The following DPP10 variants were observed in gnomAD, a reference collection of about 807,000 sequenced individuals.
DPP10 encodes the protein inactive dipeptidyl peptidase 10.
In DPP10, 33 loss-of-function variants were observed where a neutral mutation model predicts 120.9. That is an observed-to-expected ratio of 0.27 (90% CI 0.21 to 0.37). DPP10 has a LOEUF of 0.37. DPP10 is among the 10% of genes least tolerant of loss of function. The pLI is 1.00. For missense variants in DPP10, 816 were observed against 942.8 expected, an observed-to-expected ratio of 0.87 and a Z score of 1.76; for synonymous variants, 337 against 326.1, an observed-to-expected ratio of 1.03 and a Z score of -0.36.
At chr2:114,712,033 A>G (rs965518725) in intron 1 of DPP10, among the ~76,000 whole-genome samples, 3 of 152,170 alleles carry the variant, frequency 2.0e-5, no homozygotes, top group African/African-American at 7.2e-5. Context: ...GGTCTTACAC[A>G]TTCTGGCTGG....
chr2:114,513,347 C>A (rs1164762111), intron 1 of DPP10, among the ~76,000 whole-genome samples: 1 of 151,504 alleles, frequency 6.6e-6, no homozygotes, highest in African/African-American at 2.4e-5. Flanking sequence ...ATGGTGAAAC[C>A]CTGTCTCTAC....
intron 21 of DPP10, among the ~76,000 whole-genome samples, chr2:115,820,873 G>A (rs1426924806): frequency 1.3e-5 from 2 of 150,896 alleles, no homozygotes; most frequent in Non-Finnish European, 2.9e-5. Context: ...TGATTGATGG[G>A]CATGTGGGCT....
intron 5 of DPP10, among the ~76,000 whole-genome samples, chr2:115,536,796 C>T (rs193296663): frequency 3.9e-4 from 60 of 152,028 alleles, no homozygotes; most frequent in African/African-American, 1.2e-3. Context: ...CATATTCACT[C>T]TCTAAGTGCA....
chr2:115,087,647 G>A (rs868210889), intron 1 of DPP10, among the ~76,000 whole-genome samples: 8 of 85,310 alleles, frequency 9.4e-5, no homozygotes, highest in South Asian at 4.0e-4. Flanking sequence ...TCTGCCTCCC[G>A]GGTTCAAGCG....
At chr2:115,792,550 C>T (rs1446484) in intron 19 of DPP10, among the ~76,000 whole-genome samples, 65,518 of 151,902 alleles carry the variant, frequency 0.43, 16,927 homozygotes, top group East Asian at 0.67. Context: ...TCCCTTGTCC[C>T]TAAAAGCCAG....
At chr2:115,396,798 A>G (rs972097550) in intron 3 of DPP10, among the ~76,000 whole-genome samples, 2 of 152,122 alleles carry the variant, frequency 1.3e-5, no homozygotes, top group Non-Finnish European at 2.9e-5. Context: ...TCCCATCCTC[A>G]TTGCACAATC....
chr2:114,516,761 T>TA (rs956288027), intron 1 of DPP10, among the ~76,000 whole-genome samples: 1 of 152,200 alleles, frequency 6.6e-6, no homozygotes, highest in African/African-American at 2.4e-5. Context: ...AGTATTTCAT[T>TA]AAAAAATATA....
chr2:114,458,286 A>T (rs1322145908), intron 1 of DPP10, among the ~76,000 whole-genome samples: 1 of 152,186 alleles, frequency 6.6e-6, no homozygotes, highest in African/African-American at 2.4e-5. Context: ...TTCTATATTA[A>T]TCTAGGAACT....
intron 1 of DPP10, among the ~76,000 whole-genome samples, chr2:114,572,585 CAT>C (rs2105025491): frequency 1.3e-5 from 2 of 152,306 alleles, no homozygotes; most frequent in South Asian, 4.1e-4. Context: ...GCTCCCGTGA[CAT>C]GTGCTAAATG....
At chr2:115,803,989 T>C (rs1685595147) in intron 19 of DPP10, among the ~76,000 whole-genome samples, 1 of 152,158 alleles carries the variant, frequency 6.6e-6, no homozygotes, top group Admixed American at 6.5e-5. Flanking sequence ...CCTTGCTAGA[T>C]TGGGGAAGTT....
intron 1 of DPP10, among the ~76,000 whole-genome samples, chr2:114,669,789 T>C (rs1325446658): frequency 1.3e-5 from 2 of 152,046 alleles, no homozygotes; most frequent in Non-Finnish European, 2.9e-5. Flanking sequence ...ACATGACTCA[T>C]TTCAGGGAGA....
chr2:115,716,626 C>G (rs2092502645), intron 7 of DPP10, among the ~76,000 whole-genome samples: 1 of 152,026 alleles, frequency 6.6e-6, no homozygotes, highest in South Asian at 2.1e-4. Context: ...ATTTTGGAAC[C>G]AAGTTCGCTT....
At chr2:115,254,281 ACCC>A (rs1221730474) in intron 1 of DPP10, among the ~76,000 whole-genome samples, 1 of 152,032 alleles carries the variant, frequency 6.6e-6, no homozygotes, top group Non-Finnish European at 1.5e-5. Flanking sequence ...AGAGGGGAAA[ACCC>A]CTTATAAAAC....
intron 1 of DPP10, among the ~76,000 whole-genome samples, chr2:114,484,959 C>G (rs949757969): frequency 6.8e-6 from 1 of 146,642 alleles, no homozygotes; most frequent in Non-Finnish European, 1.5e-5. Context: ...TTTTGAAGAA[C>G]GGGTTTCAAA....
intron 1 of DPP10, among the ~76,000 whole-genome samples, chr2:114,598,923 C>T (rs932291254): frequency 1.3e-5 from 2 of 151,754 alleles, no homozygotes; most frequent in Non-Finnish European, 2.9e-5. Context: ...GGCCTGACTT[C>T]TCGAAATCTT....
At chr2:115,616,840 T>C (rs2084540997) in intron 5 of DPP10, among the ~76,000 whole-genome samples, 1 of 152,066 alleles carries the variant, frequency 6.6e-6, no homozygotes, top group Non-Finnish European at 1.5e-5. Context: ...GGGAAATTGC[T>C]CTTGTTCAAC....
chr2:115,119,734 C>A (rs991545255), intron 1 of DPP10, among the ~76,000 whole-genome samples: 4 of 152,034 alleles, frequency 2.6e-5, no homozygotes, highest in Non-Finnish European at 5.9e-5. Flanking sequence ...TAAAAGGATG[C>A]CTCTTGAATA....
At chr2:115,722,903 A>G (rs1164702602) in intron 7 of DPP10, among the ~76,000 whole-genome samples, 1 of 152,180 alleles carries the variant, frequency 6.6e-6, no homozygotes, top group Non-Finnish European at 1.5e-5. Context: ...TGGAGGGGCC[A>G]AAGTGGTGGT....
chr2:115,200,527 T>A (rs1398248776), intron 1 of DPP10, among the ~76,000 whole-genome samples: 1 of 152,234 alleles, frequency 6.6e-6, no homozygotes, highest in African/African-American at 2.4e-5. Context: ...TTGGTGGAAA[T>A]GACTATTCAT....
Sources: allele counts gnomAD v4.1 joint callset (sites outside exome capture counted in the v4.1 genomes callset), GRCh38; gene constraint gnomAD v4.1.1; transcripts MANE v1.5; gene names NCBI Gene and HGNC (gene_info 2026-07-23, HGNC 2026-07-21).